The following MFAP1 variants were observed in gnomAD, a reference collection of about 807,000 sequenced individuals.
The protein encoded by MFAP1 is microfibrillar-associated protein 1.
MFAP1 carries 18 observed loss-of-function variants against 62.2 expected under a neutral mutation model. The ratio of observed to expected loss-of-function variants is 0.29; its 90% CI spans 0.20 to 0.43. The LOEUF (loss-of-function observed/expected upper bound fraction) is 0.43. Ranked by LOEUF, MFAP1 falls within the 20% of genes least tolerant of loss-of-function variation. The pLI is 1.00. For missense variants in MFAP1, 355 were observed against 559.7 expected (o/e 0.63, Z 3.69); for synonymous variants, 175 against 180.4 (o/e 0.97, Z 0.24).
chr15:43,804,957 C>A lies in MFAP1; in HGVS notation c.*137G>T. The A allele has an allele frequency of 2.1e-6, 2 of 960,676 alleles. No individual in the cohort carries two copies. The highest frequency in any genetic ancestry group is 1.5e-6 in the Non-Finnish European group (1 of 654,630). The allele number at this position is 960,676 out of a possible 1,614,324, so 59.5% of individuals were successfully genotyped here. On this transcript the variant is annotated 3_prime_UTR_variant, in exon 9 of 9. Coordinates refer to ENST00000267812, the MANE Select transcript of MFAP1 (RefSeq NM_005926.3). ...TCACAAAGCACCTTCAAAGTCTGGGCTACCCAGTATCACAAGTATAGCAGT... is the reference window on the plus strand; with the variant it reads ...TCACAAAGCACCTTCAAAGTCTGGGATACCCAGTATCACAAGTATAGCAGT...
chr15:43,819,839 A>G (rs975555320), intron 1 of MFAP1, among the ~76,000 whole-genome samples: 1 of 152,186 alleles, frequency 6.6e-6, no homozygotes, highest in Non-Finnish European at 1.5e-5. Flanking sequence ...GGCCAGAAGC[A>G]TTCTCTTTAA....
chr15:43,824,108 TTA>T (rs2141714833), intron 1 of MFAP1, among the ~76,000 whole-genome samples: 1 of 151,562 alleles, frequency 6.6e-6, no homozygotes, highest in East Asian at 1.9e-4. Flanking sequence ...ATTCTTGTAA[TTA>T]TATGTAATTA....
intron 7 of MFAP1, among the ~76,000 whole-genome samples, chr15:43,808,877 C>G (rs2087381491): frequency 6.6e-6 from 1 of 152,204 alleles, no homozygotes; most frequent in Non-Finnish European, 1.5e-5. Context: ...GGAAATAAAC[C>G]ATACAGGGTT....
chr15:43,815,925 A>C, intron 2 of MFAP1, among the ~76,000 whole-genome samples: 1 of 152,096 alleles, frequency 6.6e-6, no homozygotes, highest in Admixed American at 6.5e-5. Flanking sequence ...TGAGTCACTG[A>C]GCCTGGCCTG....
intron 1 of MFAP1, among the ~76,000 whole-genome samples, chr15:43,818,018 C>CTTT (rs780258021): frequency 1.4e-4 from 19 of 131,726 alleles, no homozygotes; most frequent in South Asian, 2.4e-4. Context: ...AAATACAATT[C>CTTT]TTTTTTTTTT....
chr15:43,811,502 CT>C (rs1384434546), intron 6 of MFAP1, among the ~76,000 whole-genome samples: 1 of 146,178 alleles, frequency 6.8e-6, no homozygotes, highest in East Asian at 2.1e-4. Flanking sequence ...GGCAAGTTTT[CT>C]TTTTTTCTTT....
intron 7 of MFAP1, among the ~76,000 whole-genome samples, chr15:43,808,848 G>A (rs2087381398): frequency 6.6e-6 from 1 of 152,210 alleles, no homozygotes; most frequent in African/African-American, 2.4e-5. Context: ...AGTTTTTGGT[G>A]CAAACTGCTT....
intron 2 of MFAP1, among the ~76,000 whole-genome samples, chr15:43,816,515 G>A (rs2087434843): frequency 6.6e-6 from 1 of 152,278 alleles, no homozygotes; most frequent in South Asian, 2.1e-4. Context: ...AAAGTGCTAG[G>A]ATTACAGGCG....
chr15:43,812,866 A>G (rs1345897583), intron 6 of MFAP1, 121 bp downstream of exon 6: 15 of 1,187,958 alleles, frequency 1.3e-5, no homozygotes, highest in Non-Finnish European at 1.8e-5. Flanking sequence ...AAACTCACAA[A>G]GCAACAAGAA....
intron 7 of MFAP1, among the ~76,000 whole-genome samples, chr15:43,809,322 T>TAA (rs1050750176): frequency 1.1e-5 from 1 of 91,232 alleles, no homozygotes; most frequent in Non-Finnish European, 2.4e-5. Flanking sequence ...TACGAAAAAT[T>TAA]AAAAAAAAAA....
chr15:43,808,097 A>G (rs2087377012), intron 7 of MFAP1, among the ~76,000 whole-genome samples: 1 of 152,258 alleles, frequency 6.6e-6, no homozygotes, highest in African/African-American at 2.4e-5. Flanking sequence ...CCATGACTGC[A>G]CCACTGCACT....
In MFAP1 at chr15:43,813,306, C is replaced by T. The variant is rs2087414418; in HGVS notation, c.669G>A (p.Lys223=). Residue 223 remains lysine, a synonymous_variant, in exon 5 of 9, where the codon AAG becomes AAA. Transcript: ENST00000267812. ...TGCGTTTTGCTTCCTGCTCCAGCTC[C>T]TTCTGTTTCAATGCTTCGGCTTCAC... ...QEREAEALKQ[K]ELEQEAKRMA... 1 of 1,612,002 alleles carries T rather than the reference C, an allele frequency of 6.2e-7. No individual in the cohort carries two copies. The highest frequency in any genetic ancestry group is 1.7e-5 in the Admixed American group (1 of 59,060).
At position 43,817,458 on chromosome 15, in the gene MFAP1, A is replaced by T; in HGVS notation, c.80-10T>A. The T allele has an allele frequency of 6.2e-7, 1 of 1,614,026 alleles. No individual in the cohort carries two copies. ...TCCATTGAAATCTCACCTGGGCGAG[A>T]AAGGTAACTTATGTTTCAGTAGCCT... On this transcript the variant is annotated splice_polypyrimidine_tract_variant and intron_variant, in intron 1 of 8. Transcript: ENST00000267812.
At chr15:43,807,606 C>T (rs1036036425) in intron 7 of MFAP1, among the ~76,000 whole-genome samples, 4 of 151,780 alleles carry the variant, frequency 2.6e-5, no homozygotes, top group African/African-American at 9.7e-5. Context: ...CCTTGGCCTC[C>T]CAAAGTGCTG....
In MFAP1 at chr15:43,804,990, A is replaced by G. The variant is rs1567175085; in HGVS notation, c.*104T>C. 1.7e-5 allele frequency: 21 copies of G among 1,271,146 alleles called. No homozygotes were observed. The highest frequency in any genetic ancestry group is 1.4e-4 in the East Asian group (6 of 42,476). 78.7% of individuals were successfully genotyped at this position (1,271,146 alleles called of 1,614,324 possible). ...TATCACAAGTATAGCAGTAAGTCCA[A>G]TATCTGGATACAGGGGCCAAGGAAA... On this transcript the variant is annotated 3_prime_UTR_variant, in exon 9 of 9. Transcript: ENST00000267812.
chr15:43,811,283 C>T (rs1172423508), intron 6 of MFAP1, among the ~76,000 whole-genome samples: 1 of 150,144 alleles, frequency 6.7e-6, no homozygotes, highest in African/African-American at 2.4e-5. Flanking sequence ...GGCGTGGTGG[C>T]ATATACCTGT....
chr15:43,805,574 G>T, intron 7 of MFAP1, 109 bp from the exon 8 acceptor site: 5 of 854,930 alleles, frequency 5.8e-6, no homozygotes, highest in Non-Finnish European at 7.0e-6. Flanking sequence ...AGGGTATTGA[G>T]CCTTTCTTCA....
chr15:43,817,433 T>G lies in MFAP1; in HGVS notation c.95A>C (p.Glu32Ala). 1 of 1,614,166 alleles carries G rather than the reference T, an allele frequency of 6.2e-7. No individual in the cohort carries two copies. Among genetic ancestry groups the G allele is most frequent in the African/African-American group, 1.3e-5 (1 of 75,026 alleles). ...CACATAACGCTTTACCTTCACTTTT[T>G]CCATTGAAATCTCACCTGGGCGAGA... ...VRNEKGEISM[E>A]KVKVKRYVSG... The change falls in exon 2 of 9, where the codon GAA becomes GCA. Residue 32 changes from glutamate to alanine, a missense_variant. Glu to Ala is a moderately radical substitution (Grantham distance 107, BLOSUM62 -1). This residue lies in a region of MFAP1 where 29 missense variants were observed against 46.0 expected (regional missense o/e 0.63). Coordinates refer to ENST00000267812, the MANE Select transcript of MFAP1 (RefSeq NM_005926.3).
In MFAP1 at chr15:43,817,454, C is replaced by T. The variant is rs748654088; in HGVS notation, c.80-6G>A. On this transcript the variant is annotated splice_polypyrimidine_tract_variant and splice_region_variant and intron_variant, in intron 1 of 8. Coordinates refer to ENST00000267812, the MANE Select transcript of MFAP1 (RefSeq NM_005926.3). ...TTTTTCCATTGAAATCTCACCTGGG[C>T]GAGAAAGGTAACTTATGTTTCAGTA... 132 of 1,613,810 alleles carry T rather than the reference C, an allele frequency of 8.2e-5. No individual in the cohort carries two copies. Among genetic ancestry groups the T allele is most frequent in the Non-Finnish European group, 9.6e-5 (113 of 1,179,956 alleles).
Sources: allele counts gnomAD v4.1 joint callset (sites outside exome capture counted in the v4.1 genomes callset), GRCh38; gene constraint gnomAD v4.1.1; regional missense constraint gnomAD v4.1.1; transcripts MANE v1.5; gene names NCBI Gene and HGNC (gene_info 2026-07-23, HGNC 2026-07-21).